NIPSNAP2: variants seen among roughly 807,000 people sequenced by gnomAD.
The protein encoded by NIPSNAP2 is nipsnap homolog 2.
In NIPSNAP2, 42 loss-of-function variants were observed where a neutral mutation model predicts 48.4. The observed-to-expected ratio is 0.87, with a 90% CI of 0.68 to 1.12. The LOEUF (loss-of-function observed/expected upper bound fraction) is 1.12, where lower values mean the gene tolerates loss of function less well. Among genes scored for constraint, NIPSNAP2 ranks in the 50% most tolerant of loss-of-function variants. The pLI is 0.00. For synonymous variants in NIPSNAP2, 158 were observed against 126.6 expected (o/e 1.25, Z -1.67); for missense variants, 314 against 347.3 (o/e 0.90, Z 0.76).
At chr7:55,976,954 C>G (rs2116342498) in intron 1 of NIPSNAP2, among the ~76,000 whole-genome samples, 1 of 152,162 alleles carries the variant, frequency 6.6e-6, no homozygotes, top group South Asian at 2.1e-4. Flanking sequence ...TCAAATTTAT[C>G]CTCACTTTCT....
intron 7 of NIPSNAP2, among the ~76,000 whole-genome samples, chr7:55,988,555 T>C (rs111656209): frequency 2.0e-5 from 3 of 152,254 alleles, no homozygotes; most frequent in African/African-American, 7.2e-5. Context: ...AATAGTCTAG[T>C]AGTCCCTCAG....
In NIPSNAP2 at chr7:56,000,019, T is replaced by TA. The variant is rs1224838782; in HGVS notation, c.*948dup. 6.6e-6 allele frequency: 1 copy of TA among 152,642 alleles called. No individual in the cohort carries two copies. Among genetic ancestry groups the TA allele is most frequent in the Non-Finnish European group, 1.5e-5 (1 of 68,046 alleles). The allele number at this position is 152,642 out of a possible 1,614,324, so 9.5% of individuals were successfully genotyped here. ...TATAGTATGCCAATTTTGTGACTGTTACCATGTGAAAGTCCTGTTGAAATG... is the reference window on the plus strand; with the variant it reads ...TATAGTATGCCAATTTTGTGACTGTTAACCATGTGAAAGTCCTGTTGAAATG... On this transcript the variant is annotated 3_prime_UTR_variant, in exon 10 of 10. Coordinates refer to ENST00000322090, the MANE Select transcript of NIPSNAP2 (RefSeq NM_001483.3).
intron 1 of NIPSNAP2, among the ~76,000 whole-genome samples, chr7:55,972,673 G>A (rs905768001): frequency 3.3e-5 from 5 of 151,968 alleles, no homozygotes; most frequent in Non-Finnish European, 7.4e-5. Context: ...TGATCCACCC[G>A]CCTCCTTGGC....
rs563983552 is a variant in NIPSNAP2 at position 55,984,396 on chromosome 7, G to T, written c.586-451G>T. On this transcript the variant is annotated intron_variant, in intron 6 of 9. Coordinates refer to ENST00000322090, the MANE Select transcript of NIPSNAP2 (RefSeq NM_001483.3). ...GCTTGAGACCAGCCTGAACAACATA[G>T]TGAGACCCTGTCTCTATTAAATTAA... Among the ~76,000 whole-genome samples the T allele has an allele frequency of 1.8e-4, 27 of 152,210 alleles. No individual in the cohort carries two copies. The East Asian group carries it at 2.5e-3, about 14-fold the overall frequency.
At chr7:55,967,685 G>C (rs758725099) in intron 1 of NIPSNAP2, among the ~76,000 whole-genome samples, 2 of 151,746 alleles carry the variant, frequency 1.3e-5, no homozygotes, top group African/African-American at 4.9e-5. Flanking sequence ...GTGTCACTCT[G>C]TTGCCCAGGC....
intron 3 of NIPSNAP2, chr7:55,979,953 C>T (rs1024496558): frequency 3.8e-5 from 16 of 424,796 alleles, no homozygotes; most frequent in African/African-American, 1.4e-4. Flanking sequence ...CAAATCCATG[C>T]GTGACTTTGT....
chr7:55,984,722 A>C, intron 6 of NIPSNAP2, 125 bp from the exon 7 acceptor site: 2 of 685,774 alleles, frequency 2.9e-6, no homozygotes, highest in Non-Finnish European at 4.7e-6. Flanking sequence ...TGTCTCAAAA[A>C]AAAAAAAAAA....
intron 7 of NIPSNAP2, among the ~76,000 whole-genome samples, chr7:55,985,768 C>T (rs1253392328): frequency 6.8e-6 from 1 of 147,606 alleles, no homozygotes. Flanking sequence ...AAAAAAAAGT[C>T]CGGGCATGTT....
rs1786860547 is a variant in NIPSNAP2 at position 55,965,012 on chromosome 7, G to T, written c.92+311G>T. 3 of 161,204 alleles carry T rather than the reference G, an allele frequency of 1.9e-5. No homozygotes were observed. In the Admixed American group the frequency reaches 1.9e-4, roughly 10 times the overall value. 10.0% of individuals were successfully genotyped at this position (161,204 alleles called of 1,614,324 possible). The stretch of plus-strand genomic sequence containing the variant: ...CCCGGCCTGCAGGGCCCTGACCGGC[G>T]CGACCCGTGGCCAGGGACAGGGACA... On this transcript the variant is annotated intron_variant, in intron 1 of 9. Coordinates refer to ENST00000322090, the MANE Select transcript of NIPSNAP2 (RefSeq NM_001483.3).
intron 3 of NIPSNAP2, chr7:55,980,196 A>G (rs2116348442): frequency 5.3e-6 from 1 of 190,444 alleles, no homozygotes; most frequent in East Asian, 1.2e-4. Context: ...GTCACGCATC[A>G]GATACATTTA....
intron 5 of NIPSNAP2, among the ~76,000 whole-genome samples, chr7:55,983,064 AG>A (rs1787254357): frequency 7.0e-6 from 1 of 143,046 alleles, no homozygotes; most frequent in Admixed American, 7.0e-5. Context: ...CAGAGGTTGC[AG>A]TGTGCCGAGA....
intron 7 of NIPSNAP2, among the ~76,000 whole-genome samples, chr7:55,991,086 C>T (rs1021004427): frequency 8.6e-5 from 13 of 151,942 alleles, no homozygotes; most frequent in African/African-American, 2.2e-4. Flanking sequence ...CCACCGCGCT[C>T]GGCCCCAGTT....
chr7:55,973,720 G>T (rs1159531082), intron 1 of NIPSNAP2, among the ~76,000 whole-genome samples: 1 of 151,690 alleles, frequency 6.6e-6, no homozygotes, highest in African/African-American at 2.4e-5. Flanking sequence ...CTGACCTCAG[G>T]TGATCCACCT....
At chr7:55,988,686 C>T (rs1230379587) in intron 7 of NIPSNAP2, among the ~76,000 whole-genome samples, 2 of 152,042 alleles carry the variant, frequency 1.3e-5, no homozygotes, top group African/African-American at 4.8e-5. Flanking sequence ...TGACAAGACC[C>T]CATCTGTGCT....
intron 1 of NIPSNAP2, among the ~76,000 whole-genome samples, chr7:55,965,448 A>T (rs11238386): frequency 1.3e-4 from 19 of 151,908 alleles, no homozygotes; most frequent in African/African-American, 4.1e-4. Flanking sequence ...GCCTATCCTG[A>T]CTTACCCAGA....
At chr7:55,969,242 T>C (rs1786963599) in intron 1 of NIPSNAP2, among the ~76,000 whole-genome samples, 1 of 152,018 alleles carries the variant, frequency 6.6e-6, no homozygotes, top group Non-Finnish European at 1.5e-5. Context: ...GACGGGGTAC[T>C]GGGGCTGGAT....
intron 2 of NIPSNAP2, 27 bp downstream of exon 2, chr7:55,978,292 A>C: frequency 6.2e-7 from 1 of 1,613,290 alleles, no homozygotes; most frequent in Non-Finnish European, 8.5e-7. Flanking sequence ...CTATCTTCAT[A>C]GTTGACTTTT....
At chr7:55,998,388 ATTT>A (rs1247974295) in intron 9 of NIPSNAP2, among the ~76,000 whole-genome samples, 4 of 149,286 alleles carry the variant, frequency 2.7e-5, no homozygotes, top group Non-Finnish European at 5.9e-5. Flanking sequence ...ATATAATTGT[ATTT>A]GATTTTGCTG....
intron 8 of NIPSNAP2, among the ~76,000 whole-genome samples, chr7:55,996,092 C>A (rs1304046952): frequency 6.6e-6 from 1 of 152,070 alleles, no homozygotes; most frequent in African/African-American, 2.4e-5. Flanking sequence ...GTTAAGAGAC[C>A]AGCCTGACCA....
Sources: allele counts gnomAD v4.1 joint callset (sites outside exome capture counted in the v4.1 genomes callset), GRCh38; gene constraint gnomAD v4.1.1; transcripts MANE v1.5; gene names NCBI Gene and HGNC (gene_info 2026-07-23, HGNC 2026-07-21).